L3MBTL4: variants seen among roughly 807,000 people sequenced by gnomAD.
The protein encoded by L3MBTL4 is L3MBTL histone methyl-lysine binding protein 4.
A neutral mutation model predicts 84.5 loss-of-function variants in L3MBTL4; 70 were observed. That is an observed-to-expected ratio of 0.83 (90% CI 0.68 to 1.01). The LOEUF (loss-of-function observed/expected upper bound fraction) is 1.01. L3MBTL4 is among the 50% of genes least tolerant of loss of function. The pLI is 0.00. For missense variants in L3MBTL4, 715 were observed against 754.8 expected (o/e 0.95, Z 0.62); for synonymous variants, 274 against 259.8 (o/e 1.05, Z -0.52).
In L3MBTL4 at chr18:6,029,900, T is replaced by C. The variant is rs1306915929; in HGVS notation, c.1444+50981A>G. 9.1e-6 allele frequency: 9 copies of C among 985,218 alleles called. No individual in the cohort carries two copies. In the Admixed American group the frequency reaches 5.5e-4, roughly 61 times the overall value. The allele number at this position is 985,218 out of a possible 1,614,324, so 61.0% of individuals were successfully genotyped here. On this transcript the variant is annotated intron_variant, in intron 16 of 18. Transcript: ENST00000317931. ...TCTATCCTGTAGATTCTCACAAGCA[T>C]GAGTGATGAGTACAGAAGACACTTT...
chr18:6,109,912 C>T (rs1385979125), intron 14 of L3MBTL4, among the ~76,000 whole-genome samples: 1 of 147,536 alleles, frequency 6.8e-6, no homozygotes, highest in Non-Finnish European at 1.5e-5. Flanking sequence ...GGCACTGAGT[C>T]ATCTGTCAGC....
chr18:6,155,502 T>G (rs16949511), intron 13 of L3MBTL4, among the ~76,000 whole-genome samples: 5 of 152,164 alleles, frequency 3.3e-5, no homozygotes, highest in Admixed American at 1.3e-4. Flanking sequence ...CATGGCTGGA[T>G]GCACAGGTGC....
chr18:6,261,710 C>A (rs1484869896), intron 5 of L3MBTL4, among the ~76,000 whole-genome samples: 1 of 152,182 alleles, frequency 6.6e-6, no homozygotes, highest in Middle Eastern at 3.4e-3. Flanking sequence ...TTAGTTAACA[C>A]CAGGTCATAA....
chr18:6,215,695 T>C (rs2046295141), intron 11 of L3MBTL4, 55 bp downstream of exon 11: 18 of 925,962 alleles, frequency 1.9e-5, no homozygotes, highest in Non-Finnish European at 2.6e-5. Flanking sequence ...AATGTAGGCA[T>C]GACTCAATAC....
intron 1 of L3MBTL4, among the ~76,000 whole-genome samples, chr18:6,335,473 A>C (rs1334641062): frequency 6.6e-6 from 1 of 152,202 alleles, no homozygotes; most frequent in East Asian, 1.9e-4. Context: ...GACTACTCTA[A>C]AATCAATTTG....
chr18:6,116,359 G>GTTT (rs147840317), intron 14 of L3MBTL4, among the ~76,000 whole-genome samples: 2 of 129,946 alleles, frequency 1.5e-5, no homozygotes, highest in Non-Finnish European at 3.2e-5. Flanking sequence ...GTTGTTGCTG[G>GTTT]TTTTTTTTTT....
At chr18:6,360,072 T>C (rs1189555917) in intron 1 of L3MBTL4, among the ~76,000 whole-genome samples, 1 of 152,214 alleles carries the variant, frequency 6.6e-6, no homozygotes, top group Non-Finnish European at 1.5e-5. Flanking sequence ...ATAAGGAGAA[T>C]GTTAAAGCCA....
chr18:6,205,800 A>T (rs1388021862), intron 12 of L3MBTL4, among the ~76,000 whole-genome samples: 4 of 152,208 alleles, frequency 2.6e-5, no homozygotes, highest in African/African-American at 9.7e-5. Flanking sequence ...AGTGCCTACA[A>T]AGCAGGATGT....
intron 12 of L3MBTL4, among the ~76,000 whole-genome samples, chr18:6,191,078 T>A (rs1021862383): frequency 3.9e-5 from 6 of 152,066 alleles, no homozygotes; most frequent in African/African-American, 1.4e-4. Context: ...GAAGAGAGAC[T>A]AGAGGATTTT....
intron 10 of L3MBTL4, among the ~76,000 whole-genome samples, chr18:6,233,739 G>T (rs1414147128): frequency 1.3e-5 from 2 of 152,050 alleles, no homozygotes; most frequent in Non-Finnish European, 2.9e-5. Flanking sequence ...TGGCCATACT[G>T]CCCCAGGTAA....
intron 14 of L3MBTL4, among the ~76,000 whole-genome samples, chr18:6,137,013 G>A (rs2144621647): frequency 6.6e-6 from 1 of 152,276 alleles, no homozygotes; most frequent in Non-Finnish European, 1.5e-5. Context: ...TTTTGCTCCT[G>A]CTCTAAAACT....
At chr18:6,312,879 G>C (rs2050904877) in intron 1 of L3MBTL4, among the ~76,000 whole-genome samples, 1 of 152,094 alleles carries the variant, frequency 6.6e-6, no homozygotes, top group African/African-American at 2.4e-5. Flanking sequence ...CAAGGTTCCT[G>C]CTGCTTCTCC....
intron 16 of L3MBTL4, among the ~76,000 whole-genome samples, chr18:6,063,283 G>A (rs958877664): frequency 2.7e-5 from 4 of 146,996 alleles, no homozygotes; most frequent in Non-Finnish European, 4.5e-5. Flanking sequence ...ACTGAGACTT[G>A]CGCTACTATA....
chr18:6,364,207 A>G (rs1300913062), intron 1 of L3MBTL4, among the ~76,000 whole-genome samples: 1 of 152,224 alleles, frequency 6.6e-6, no homozygotes, highest in Non-Finnish European at 1.5e-5. Context: ...CAAAAATGTG[A>G]AACAACGCCG....
At chr18:6,209,445 C>CAAAAAAA (rs60613997) in intron 12 of L3MBTL4, among the ~76,000 whole-genome samples, 13 of 114,002 alleles carry the variant, frequency 1.1e-4, no homozygotes, top group African/African-American at 4.0e-4. Context: ...ACTAAACTGG[C>CAAAAAAA]AAAAAAAAAA....
At chr18:6,145,959 C>T (rs7242406) in intron 13 of L3MBTL4, among the ~76,000 whole-genome samples, 1 of 152,044 alleles carries the variant, frequency 6.6e-6, no homozygotes, top group East Asian at 1.9e-4. Flanking sequence ...AAGGAAGAGA[C>T]AGTGAGTGGG....
chr18:5,969,658 G>C, intron 16 of L3MBTL4, 96 bp from the exon 17 acceptor site: 1 of 1,260,906 alleles, frequency 7.9e-7, no homozygotes, highest in Non-Finnish European at 1.1e-6. Context: ...TCAGGGGACG[G>C]AAAGTGCAGA....
At chr18:6,006,709 A>C (rs1461912442) in intron 16 of L3MBTL4, among the ~76,000 whole-genome samples, 1 of 152,206 alleles carries the variant, frequency 6.6e-6, no homozygotes, top group Non-Finnish European at 1.5e-5. Context: ...ATATTAAAGC[A>C]TGTTAAGAAA....
chr18:6,172,452 C>T (rs2044022847), intron 12 of L3MBTL4, among the ~76,000 whole-genome samples: 2 of 152,102 alleles, frequency 1.3e-5, no homozygotes, highest in South Asian at 4.2e-4. Flanking sequence ...GAGGCAAAAA[C>T]AGTAGACAAA....
Sources: gnomAD v4.1 joint callset for allele counts (sites outside exome capture counted in the v4.1 genomes callset) on GRCh38, gnomAD v4.1.1 for gene constraint, MANE v1.5 for transcripts, NCBI Gene and HGNC (gene_info 2026-07-23, HGNC 2026-07-21) for gene names.